Variants in RERE observed in about 807,000 individuals in gnomAD.
The protein encoded by RERE is arginine-glutamic acid dipeptide repeats, also known as arginine-glutamic acid dipeptide repeats protein.
RERE carries 40 observed loss-of-function variants against 146.1 expected under a neutral mutation model. The ratio of observed to expected loss-of-function variants is 0.27; its 90% CI spans 0.21 to 0.36. The LOEUF is 0.36. Ranked by LOEUF, RERE falls within the 10% of genes least tolerant of loss-of-function variation. The probability of loss-of-function intolerance (pLI) is 1.00; values close to 1 mark genes in which losing one functional copy is unlikely to be tolerated. For synonymous variants in RERE, 1,003 were observed against 866.0 expected (o/e 1.16, Z -2.78); for missense variants, 1,933 against 2,138.7 (o/e 0.90, Z 1.90).
At chr1:8,502,577 C>T (rs1468342335) in intron 8 of RERE, among the ~76,000 whole-genome samples, 2 of 148,372 alleles carry the variant, frequency 1.3e-5, no homozygotes, top group Non-Finnish European at 3.0e-5. Context: ...ACGACCCCTT[C>T]TGGGAGGTGT....
chr1:8,355,558 G>A lies in RERE; in HGVS notation c.4528C>T (p.Pro1510Ser). The A allele has an allele frequency of 6.2e-7, 1 of 1,604,516 alleles. No individual in the cohort carries two copies. The highest frequency in any genetic ancestry group is 8.5e-7 in the Non-Finnish European group (1 of 1,174,718). ...PRDLPGAIPP[P>S]MSAAHQLQAM... is the part of the protein sequence containing the mutation. ...TGCAGCTGGTGGGCTGCTGACATGG[G>A]GGGTGGGATGGCCCCAGGCAGGTCA... The change falls in exon 22 of 23, where the codon CCC becomes TCC. Residue 1510 changes from proline to serine, a missense_variant. Transcript: ENST00000400908.
intron 7 of RERE, among the ~76,000 whole-genome samples, chr1:8,524,899 C>G (rs894540993): frequency 2.0e-5 from 3 of 152,160 alleles, no homozygotes; most frequent in African/African-American, 7.2e-5. Context: ...TTCTCAGCAC[C>G]AACTACTCTT....
At chr1:8,433,144 T>G (rs775937455) in intron 11 of RERE, among the ~76,000 whole-genome samples, 1 of 152,228 alleles carries the variant, frequency 6.6e-6, no homozygotes, top group African/African-American at 2.4e-5. Context: ...TCCCCCGTAC[T>G]GGTAACTAGC....
chr1:8,498,209 A>G (rs1645071329), intron 8 of RERE, among the ~76,000 whole-genome samples: 1 of 151,808 alleles, frequency 6.6e-6, no homozygotes, highest in South Asian at 2.1e-4. Context: ...AAATACAAAA[A>G]GTAGCCGAGC....
chr1:8,608,004 G>A (rs956891558), intron 4 of RERE, among the ~76,000 whole-genome samples: 1 of 152,080 alleles, frequency 6.6e-6, no homozygotes. Context: ...GGGATTATAG[G>A]TGTGAGCCAC....
In RERE at chr1:8,611,482, T is replaced by C. The variant is rs528913188; in HGVS notation, c.522+3079A>G. 1.1e-4 allele frequency among the ~76,000 whole-genome samples: 17 copies of C among 152,258 alleles called. 1 individual carries two copies. The South Asian group carries it at 1.2e-3, about 11-fold the overall frequency. On this transcript the variant is annotated intron_variant, in intron 4 of 22. Transcript: ENST00000400908. Reference sequence around the variant, plus strand: ...TCATGCCACTGCACTCCAGCCTGCATGACAGGGTGAGACTCTGTCTCAAAA... The same window carrying C: ...TCATGCCACTGCACTCCAGCCTGCACGACAGGGTGAGACTCTGTCTCAAAA...
chr1:8,516,693 T>A (rs1006430844), intron 7 of RERE, among the ~76,000 whole-genome samples: 1 of 152,180 alleles, frequency 6.6e-6, no homozygotes, highest in East Asian at 1.9e-4. Flanking sequence ...AATGATTAAG[T>A]TACTGAACCA....
chr1:8,374,153 G>C (rs112789854), intron 12 of RERE, among the ~76,000 whole-genome samples: 10 of 152,308 alleles, frequency 6.6e-5, no homozygotes, highest in African/African-American at 2.2e-4. Context: ...CACCCACGAG[G>C]AAGCCCACAG....
intron 1 of RERE, among the ~76,000 whole-genome samples, chr1:8,740,090 T>C (rs964220083): frequency 2.6e-5 from 4 of 152,130 alleles, no homozygotes; most frequent in Non-Finnish European, 4.4e-5. Context: ...CCCTGCTAAG[T>C]ACACCCAAAA....
Position 8,614,632 on chromosome 1 carries a change from G to C in RERE, c.451C>G (p.Pro151Ala). 1 of 1,613,170 alleles carries C rather than the reference G, an allele frequency of 6.2e-7. No homozygotes were observed. Among genetic ancestry groups the C allele is most frequent in the Admixed American group, 1.7e-5 (1 of 59,902 alleles). The change falls in exon 4 of 23, where the codon CCA becomes GCA. Residue 151 changes from proline (P) to alanine (A), a missense_variant. Pro to Ala is a conservative substitution (Grantham distance 27). This residue lies in a region of RERE where 74 missense variants were observed against 99.6 expected (regional missense o/e 0.74). Coordinates refer to ENST00000400908, the MANE Select transcript of RERE (RefSeq NM_001042681.2). The stretch of plus-strand genomic sequence containing the variant: ...GATGCCACCGGCAGAGAGCATGCTG[G>C]GGGGTCACACAAAGCAGGAGTTGGA... The part of the protein sequence containing the change: ...RSPTPALCDP[P>A]ACSLPVASQP...
At chr1:8,630,539 G>T (rs993581785) in intron 2 of RERE, among the ~76,000 whole-genome samples, 6 of 152,162 alleles carry the variant, frequency 3.9e-5, no homozygotes, top group Non-Finnish European at 7.3e-5. Context: ...TTTCCTGCCA[G>T]AATCTTTTGC....
intron 11 of RERE, among the ~76,000 whole-genome samples, chr1:8,441,320 T>C (rs1433281494): frequency 6.6e-6 from 1 of 152,196 alleles, no homozygotes; most frequent in Admixed American, 6.5e-5. Flanking sequence ...TCCATCAGCC[T>C]GAGAAGGCAC....
intron 12 of RERE, among the ~76,000 whole-genome samples, chr1:8,373,243 G>C (rs1464076911): frequency 6.6e-6 from 1 of 152,064 alleles, no homozygotes; most frequent in African/African-American, 2.4e-5. Context: ...GAATACAGAA[G>C]GAGCAGCTAA....
intron 4 of RERE, among the ~76,000 whole-genome samples, chr1:8,599,321 T>C (rs1411162049): frequency 6.6e-6 from 1 of 152,252 alleles, no homozygotes; most frequent in Non-Finnish European, 1.5e-5. Context: ...GGCCAACTTC[T>C]TGTATAACTT....
At chr1:8,769,716 A>G (rs1445293223) in intron 1 of RERE, among the ~76,000 whole-genome samples, 9 of 152,072 alleles carry the variant, frequency 5.9e-5, no homozygotes, top group Non-Finnish European at 1.0e-4. Flanking sequence ...GACTCAAGCG[A>G]TACTCCTGCC....
Position 8,358,850 on chromosome 1 carries a change from G to C in RERE, c.3685C>G (p.Arg1229Gly), listed in dbSNP as rs764812789. ...DPQLSGPGHM[R>G]PSFEPPPTTI... ...GTTGGTGGTGGCTCGAAGGATGGCC[G>C]CATGTGGCCAGGACCACTGAGCTGT... Residue 1229 changes from arginine to glycine, a missense_variant, in exon 20 of 23, where the codon CGG becomes GGG. Transcript: ENST00000400908. 16 of 1,601,186 alleles carry C rather than the reference G, an allele frequency of 1.0e-5. No individual in the cohort carries two copies. The highest frequency in any genetic ancestry group is 1.0e-5 in the Non-Finnish European group (12 of 1,173,244).
intron 6 of RERE, among the ~76,000 whole-genome samples, chr1:8,542,447 C>T (rs76559856): frequency 0.029 from 4,391 of 152,168 alleles, 201 homozygotes; most frequent in African/African-American, 0.1. Context: ...GGGTTATCAG[C>T]GTGGGTTCAT....
At chr1:8,600,002 G>A (rs1417826306) in intron 4 of RERE, among the ~76,000 whole-genome samples, 1 of 152,160 alleles carries the variant, frequency 6.6e-6, no homozygotes, top group African/African-American at 2.4e-5. Context: ...TAATGCCCAC[G>A]TGCCAAGGAC....
intron 4 of RERE, among the ~76,000 whole-genome samples, chr1:8,600,916 G>T (rs1223751219): frequency 6.6e-6 from 1 of 151,260 alleles, no homozygotes; most frequent in African/African-American, 2.4e-5. Flanking sequence ...CACCATGCCC[G>T]GCTAATTTTT....
Sources: allele counts gnomAD v4.1 joint callset (sites outside exome capture counted in the v4.1 genomes callset), GRCh38; gene constraint gnomAD v4.1.1; regional missense constraint gnomAD v4.1.1; transcripts MANE v1.5; gene names NCBI Gene and HGNC (gene_info 2026-07-23, HGNC 2026-07-21).